The following SMIM10L3 variants were observed in gnomAD, a reference collection of about 807,000 sequenced individuals.
The protein encoded by SMIM10L3 is salivary gland specific protein SAGSIN1.
At chr7:6,346,945 T>C in the SMIM10L3 span, among the ~76,000 whole-genome samples, 1 of 152,166 alleles carries the variant, frequency 6.6e-6, no homozygotes. Context: ...CACAGAGGTA[T>C]GCAAATGGAA....
At chr7:6,333,167 TC>T in the SMIM10L3 span, among the ~76,000 whole-genome samples, 48 of 72,050 alleles carry the variant, frequency 6.7e-4, no homozygotes, top group African/African-American at 2.9e-3. Context: ...AATAAAAAAA[TC>T]AAAAAAAAAA....
the SMIM10L3 span, among the ~76,000 whole-genome samples, chr7:6,337,048 A>G: frequency 6.6e-6 from 1 of 152,050 alleles, no homozygotes; most frequent in South Asian, 2.1e-4. Context: ...ATATTTCAAT[A>G]TATGTTGAAA....
chr7:6,341,079 G>C, the SMIM10L3 span, among the ~76,000 whole-genome samples: 3 of 150,434 alleles, frequency 2.0e-5, no homozygotes, highest in Non-Finnish European at 4.4e-5. Context: ...AGGAGGTGCA[G>C]CTTGCAGTGA....
chr7:6,330,448 T>A, the SMIM10L3 span: 2 of 1,614,202 alleles, frequency 1.2e-6, no homozygotes, highest in Non-Finnish European at 1.7e-6. Flanking sequence ...CTGCAGACCA[T>A]CTGAGGTGCT....
chr7:6,347,903 T>TATC, the SMIM10L3 span, among the ~76,000 whole-genome samples: 1 of 146,196 alleles, frequency 6.8e-6, no homozygotes, highest in African/African-American at 2.5e-5. Flanking sequence ...TTATTATTAT[T>TATC]ATTATTATTA....
the SMIM10L3 span, chr7:6,348,490 G>A: frequency 2.4e-6 from 1 of 409,764 alleles, no homozygotes; most frequent in Non-Finnish European, 4.3e-6. Flanking sequence ...TCTAGGCAGT[G>A]GCAGCTGCCG....
At chr7:6,330,484 G>A in the SMIM10L3 span, 2 of 1,614,128 alleles carry the variant, frequency 1.2e-6, no homozygotes, top group Non-Finnish European at 1.7e-6. Flanking sequence ...GAATTCTATT[G>A]TTTGCTTTGA....
chr7:6,346,264 G>C, the SMIM10L3 span, among the ~76,000 whole-genome samples: 4 of 152,230 alleles, frequency 2.6e-5, no homozygotes, highest in South Asian at 8.3e-4. Context: ...CCACCTGGTG[G>C]AGGTTTTGAC....
chr7:6,342,526 G>A, the SMIM10L3 span, among the ~76,000 whole-genome samples: 221 of 151,808 alleles, frequency 1.5e-3, 1 homozygote, highest in African/African-American at 5.2e-3. Context: ...GTGACAAAGC[G>A]AGACTCTGTC....
the SMIM10L3 span, among the ~76,000 whole-genome samples, chr7:6,345,959 G>T: frequency 1.3e-5 from 2 of 151,900 alleles, no homozygotes; most frequent in Non-Finnish European, 2.9e-5. Context: ...AGTAGAGATG[G>T]GGTTTTGCCA....
At chr7:6,331,671 CGCCCGGCCTAGTGGAGAACAT>C in the SMIM10L3 span, among the ~76,000 whole-genome samples, 1 of 151,912 alleles carries the variant, frequency 6.6e-6, no homozygotes, top group Non-Finnish European at 1.5e-5. Flanking sequence ...TGAGCCACCA[CGCCCGGCCTAGTGGAGAACAT>C]TTCGTGGGCT....
chr7:6,348,961 G>T, the SMIM10L3 span: 2 of 376,334 alleles, frequency 5.3e-6, no homozygotes, highest in African/African-American at 4.2e-5. Context: ...GCCTGGCCGC[G>T]CAGCCTGACG....
At chr7:6,341,537 T>A in the SMIM10L3 span, among the ~76,000 whole-genome samples, 75 of 142,718 alleles carry the variant, frequency 5.3e-4, 1 homozygote, top group South Asian at 8.0e-3. Context: ...AAATTTTTTT[T>A]AAATTAGCCA....
At chr7:6,330,707 G>C in the SMIM10L3 span, 3 of 1,614,110 alleles carry the variant, frequency 1.9e-6, no homozygotes, top group Non-Finnish European at 2.5e-6. Context: ...GACACCCGAG[G>C]CTCTCCTTTG....
At chr7:6,332,151 G>A in the SMIM10L3 span, among the ~76,000 whole-genome samples, 2 of 150,626 alleles carry the variant, frequency 1.3e-5, no homozygotes, top group Non-Finnish European at 2.9e-5. Context: ...GCTTTGAAAT[G>A]AACAAAAAAT....
chr7:6,333,251 G>A, the SMIM10L3 span, among the ~76,000 whole-genome samples: 1 of 152,030 alleles, frequency 6.6e-6, no homozygotes, highest in Non-Finnish European at 1.5e-5. Context: ...GGAGAAAGCA[G>A]GGAGAGTTTA....
At chr7:6,329,598 T>TA in the SMIM10L3 span, 6 of 158,150 alleles carry the variant, frequency 3.8e-5, no homozygotes, top group African/African-American at 1.4e-4. Flanking sequence ...TGACCTTTAT[T>TA]AAAGTTATCA....
chr7:6,334,664 A>G, the SMIM10L3 span, among the ~76,000 whole-genome samples: 1 of 151,874 alleles, frequency 6.6e-6, no homozygotes, highest in Admixed American at 6.6e-5. Context: ...ATGGGGTTCC[A>G]CGAGTTGCCC....
the SMIM10L3 span, among the ~76,000 whole-genome samples, chr7:6,338,182 T>C: frequency 6.6e-6 from 1 of 152,196 alleles, no homozygotes; most frequent in Non-Finnish European, 1.5e-5. Flanking sequence ...TAGACTGTTA[T>C]ACATATTACC....
Sources: allele counts gnomAD v4.1 joint callset (sites outside exome capture counted in the v4.1 genomes callset), GRCh38; gene constraint gnomAD v4.1.1; transcripts MANE v1.5; gene names NCBI Gene and HGNC (gene_info 2026-07-23, HGNC 2026-07-21).